The following DPP6 variants were observed in gnomAD, a reference collection of about 807,000 sequenced individuals.
DPP6 encodes the protein A-type potassium channel modulatory protein DPP6.
DPP6 carries 69 observed loss-of-function variants against 122.6 expected under a neutral mutation model. The ratio of observed to expected loss-of-function variants is 0.56; its 90% CI spans 0.46 to 0.69. The LOEUF (loss-of-function observed/expected upper bound fraction) is 0.69, where lower values mean the gene tolerates loss of function less well. Ranked by LOEUF, DPP6 falls within the 30% of genes least tolerant of loss-of-function variation. DPP6 has a pLI of 0.00. For synonymous variants in DPP6, 418 were observed against 433.1 expected (o/e 0.97, Z 0.43); for missense variants, 928 against 1,116.9 (o/e 0.83, Z 2.41).
the DPP6 span, among the ~76,000 whole-genome samples, chr7:153,802,953 C>T: frequency 6.6e-6 from 1 of 151,950 alleles, no homozygotes; most frequent in African/African-American, 2.4e-5. Context: ...TTCCTCGACC[C>T]TCTGATATGC....
At position 154,607,561 on chromosome 7, in the gene DPP6, CAAAAAAAAAAAAAA is replaced by C. The variant is rs1162220684; in HGVS notation, c.628-30246_628-30233del. Among the ~76,000 whole-genome samples the C allele has an allele frequency of 1.3e-4, 3 of 22,380 alleles. 1 individual carries two copies. The highest frequency in any genetic ancestry group is 2.4e-4 in the Non-Finnish European group (3 of 12,744). The allele number at this position is 22,380 out of a possible 152,430, so 14.7% of individuals were successfully genotyped here. ...TGGGCGACAGAGCAAGACTCTGTCT[CAAAAAAAAAAAAAA>C]AAAAAAAAAAAAAGGAAAGAAAAAG... On this transcript the variant is annotated intron_variant, in intron 5 of 25. Transcript: ENST00000377770.
chr7:154,248,222 A>G (rs546094614), intron 1 of DPP6, among the ~76,000 whole-genome samples: 7 of 152,330 alleles, frequency 4.6e-5, no homozygotes, highest in African/African-American at 1.7e-4. Context: ...AATGGGGGTT[A>G]GGACTTTAAC....
intron 1 of DPP6, among the ~76,000 whole-genome samples, chr7:154,293,272 A>G (rs1805322882): frequency 1.3e-5 from 2 of 152,338 alleles, no homozygotes; most frequent in South Asian, 2.1e-4. Context: ...GACTTCTAAC[A>G]TGTAAGAAGC....
At chr7:154,401,210 A>C (rs201298493) in intron 1 of DPP6, among the ~76,000 whole-genome samples, 3,140 of 126,770 alleles carry the variant, frequency 0.025, 109 homozygotes, top group African/African-American at 0.093. Context: ...AAAAACAAAA[A>C]CAAAAACAAA....
intron 2 of DPP6, among the ~76,000 whole-genome samples, chr7:154,467,000 G>C (rs186740344): frequency 6.6e-6 from 1 of 152,338 alleles, no homozygotes; most frequent in East Asian, 1.9e-4. Flanking sequence ...CTGTGGCTCT[G>C]AGAAACTGGA....
chr7:153,964,913 C>CCTTTCTTT (rs66803093), intron 1 of DPP6, among the ~76,000 whole-genome samples: 15,553 of 113,276 alleles, frequency 0.14, 1,484 homozygotes, highest in Admixed American at 0.18. Context: ...CTTTTCTTTT[C>CCTTTCTTT]CTTTCTTTCT....
intron 1 of DPP6, among the ~76,000 whole-genome samples, chr7:153,924,218 C>T (rs1800783849): frequency 1.3e-5 from 2 of 152,016 alleles, no homozygotes; most frequent in Admixed American, 1.3e-4. Flanking sequence ...AAGCGATTCT[C>T]CTGCCTCAGC....
intron 7 of DPP6, among the ~76,000 whole-genome samples, chr7:154,724,819 G>A (rs974442025): frequency 1.3e-5 from 2 of 152,190 alleles, no homozygotes; most frequent in African/African-American, 4.8e-5. Context: ...TTCAGTCTGG[G>A]AAGAGGGAAA....
rs554216418 is a variant in DPP6 at position 154,234,914 on chromosome 7, G to A, written c.243+181851G>A. ...CGGCCCTGGGAGGCCTGGGATCCCC[G>A]TGCCTCCCTTCAGCCCCTCTTCCAA... On this transcript the variant is annotated intron_variant, in intron 1 of 25. Transcript: ENST00000377770. Among the ~76,000 whole-genome samples the A allele has an allele frequency of 1.8e-3, 269 of 152,158 alleles. 1 individual carries two copies. The highest frequency in any genetic ancestry group is 6.0e-3 in the African/African-American group (249 of 41,528).
chr7:154,861,834 G>C (rs1387499621), intron 17 of DPP6, among the ~76,000 whole-genome samples: 1 of 152,106 alleles, frequency 6.6e-6, no homozygotes, highest in African/African-American at 2.4e-5. Flanking sequence ...CCTCCTTTTG[G>C]TGGTCGCTTC....
chr7:153,931,392 G>C (rs1162834497), intron 1 of DPP6, among the ~76,000 whole-genome samples: 1 of 152,154 alleles, frequency 6.6e-6, no homozygotes, highest in Non-Finnish European at 1.5e-5. Flanking sequence ...CACTAAGGCA[G>C]CTCTCATCCT....
chr7:153,771,736 A>C, the DPP6 span, among the ~76,000 whole-genome samples: 1 of 152,186 alleles, frequency 6.6e-6, no homozygotes, highest in Non-Finnish European at 1.5e-5. Context: ...GGAGAAATAA[A>C]GACTTTGTTA....
chr7:154,492,100 G>A (rs1824327590), intron 3 of DPP6, among the ~76,000 whole-genome samples: 2 of 152,162 alleles, frequency 1.3e-5, no homozygotes, highest in African/African-American at 2.4e-5. Context: ...GCTCTGATTT[G>A]TTAGATGACT....
At chr7:153,766,903 C>A in the DPP6 span, among the ~76,000 whole-genome samples, 2 of 152,024 alleles carry the variant, frequency 1.3e-5, no homozygotes, top group Non-Finnish European at 2.9e-5. Flanking sequence ...GTATACCATC[C>A]ATGTCACAAG....
intron 3 of DPP6, among the ~76,000 whole-genome samples, chr7:154,526,523 C>T (rs1436892342): frequency 5.3e-5 from 8 of 152,186 alleles, no homozygotes; most frequent in Admixed American, 4.6e-4. Context: ...TGAAATGTGT[C>T]TAGTATAAAT....
chr7:153,918,466 A>ATTT (rs1800439406), intron 1 of DPP6, among the ~76,000 whole-genome samples: 2 of 95,952 alleles, frequency 2.1e-5, no homozygotes, highest in African/African-American at 7.7e-5. Flanking sequence ...ACACACACAC[A>ATTT]CTCTCTCTCT....
intron 1 of DPP6, among the ~76,000 whole-genome samples, chr7:154,416,107 T>G (rs1202565100): frequency 6.6e-6 from 1 of 152,130 alleles, no homozygotes; most frequent in Non-Finnish European, 1.5e-5. Flanking sequence ...CACACTGTTC[T>G]GAGTAGCATT....
intron 1 of DPP6, among the ~76,000 whole-genome samples, chr7:154,288,366 C>T (rs528638084): frequency 2.0e-5 from 3 of 152,308 alleles, no homozygotes; most frequent in African/African-American, 7.2e-5. Context: ...TGAGATGCCT[C>T]AGCTACCCAG....
intron 1 of DPP6, among the ~76,000 whole-genome samples, chr7:154,319,979 A>C (rs1585926115): frequency 6.9e-6 from 1 of 144,416 alleles, no homozygotes; most frequent in South Asian, 2.2e-4. Context: ...TGACAGAGCA[A>C]GACTCTGTCT....
Sources: gnomAD v4.1 joint callset for allele counts (sites outside exome capture counted in the v4.1 genomes callset) on GRCh38, gnomAD v4.1.1 for gene constraint, MANE v1.5 for transcripts, NCBI Gene and HGNC (gene_info 2026-07-23, HGNC 2026-07-21) for gene names.